Variants in ZNF841 observed in about 807,000 individuals in gnomAD.
ZNF841 encodes the protein TCONS_00006091.
Under a neutral mutation model 13.0 loss-of-function variants are expected in ZNF841, and 11 were observed. The observed-to-expected ratio is 0.85, with a 90% CI of 0.53 to 1.40. The LOEUF (loss-of-function observed/expected upper bound fraction) is 1.40. ZNF841 is among the 40% of genes most tolerant of loss of function. The pLI, the probability that ZNF841 is intolerant of heterozygous loss-of-function variation, is 0.00. For missense variants in ZNF841, 1,068 were observed against 1,139.5 expected (o/e 0.94, Z 0.90); for synonymous variants, 369 against 381.6 (o/e 0.97, Z 0.38).
chr19:52,074,642 G>C (rs945889369), intron 6 of ZNF841, among the ~76,000 whole-genome samples: 1 of 151,976 alleles, frequency 6.6e-6, no homozygotes, highest in Non-Finnish European at 1.5e-5. Flanking sequence ...TCAGCCCCCC[G>C]AGTAGCTGGG....
Position 52,084,144 on chromosome 19 carries a change from C to T in ZNF841, c.15+643G>A, listed in dbSNP as rs184136657. 1.8e-3 allele frequency among the ~76,000 whole-genome samples: 268 copies of T among 152,190 alleles called. 2 individuals carry two copies. The highest frequency in any genetic ancestry group is 5.1e-4 in the Non-Finnish European group (35 of 68,018). On this transcript the variant is annotated intron_variant, in intron 4 of 6. Coordinates refer to ENST00000594440, the MANE Select transcript of ZNF841 (RefSeq NM_001136499.2). ...GCCGGTAAGAGTCCCAGCAGGAACA[C>T]CACATTCTCTGTGGGATGGATATGC... is the stretch of plus-strand genomic sequence containing the variant.
chr19:52,073,612 T>A (rs1019916969), intron 6 of ZNF841, among the ~76,000 whole-genome samples: 9 of 152,166 alleles, frequency 5.9e-5, no homozygotes, highest in African/African-American at 2.2e-4. Context: ...CCTGGCCCAA[T>A]ACCAGTTTTT....
downstream of ZNF841, among the ~76,000 whole-genome samples, chr19:52,064,313 T>A (rs959279781): frequency 8.2e-6 from 1 of 122,230 alleles, no homozygotes; most frequent in African/African-American, 3.0e-5. Context: ...GCCACTGCAG[T>A]CCGCAGTCCC....
At chr19:52,070,025 C>T (rs2087695347) in intron 6 of ZNF841, among the ~76,000 whole-genome samples, 1 of 152,206 alleles carries the variant, frequency 6.6e-6, no homozygotes, top group Non-Finnish European at 1.5e-5. Flanking sequence ...TAAATTATCA[C>T]TATTTAACAA....
intron 4 of ZNF841, among the ~76,000 whole-genome samples, chr19:52,079,034 G>C (rs943555547): frequency 6.6e-6 from 1 of 151,846 alleles, no homozygotes; most frequent in Non-Finnish European, 1.5e-5. Context: ...TGTATAAATT[G>C]TATTTCATTT....
intron 2 of ZNF841, among the ~76,000 whole-genome samples, chr19:52,091,155 A>G (rs1039537297): frequency 5.3e-5 from 8 of 152,194 alleles, no homozygotes; most frequent in South Asian, 2.1e-4. Context: ...GTCCACAGGC[A>G]TTGGGGCTGC....
intron 4 of ZNF841, among the ~76,000 whole-genome samples, chr19:52,082,777 A>C (rs1395954671): frequency 6.6e-6 from 1 of 152,216 alleles, no homozygotes; most frequent in African/African-American, 2.4e-5. Context: ...GTGTTTATTA[A>C]CATAAAAACA....
At chr19:52,084,197 C>G (rs2088196358) in intron 4 of ZNF841, among the ~76,000 whole-genome samples, 1 of 152,026 alleles carries the variant, frequency 6.6e-6, no homozygotes, top group Non-Finnish European at 1.5e-5. Flanking sequence ...ATCTGACATT[C>G]AGGTTGATTT....
In ZNF841 at chr19:52,084,797, G is replaced by T; in HGVS notation, c.5C>A (p.Ala2Asp). 6.2e-7 allele frequency: 1 copy of T among 1,613,474 alleles called. No individual in the cohort carries two copies. The highest frequency in any genetic ancestry group is 8.5e-7 in the Non-Finnish European group (1 of 1,179,730). Residue 2 changes from alanine (A) to aspartate (D), a missense_variant, in exon 4 of 7, where the codon GCT (alanine) becomes GAT (aspartate). Transcript: ENST00000594440. Reference sequence around the variant, plus strand: ...AGATTATCACTTTACCTGAGGAAGAGCCATCCCTGGCTCCTTTTCTTTCTT... The same window carrying T: ...AGATTATCACTTTACCTGAGGAAGATCCATCCCTGGCTCCTTTTCTTTCTT... Reference protein sequence around the residue: MALPQGSLTFRD... With the variant: MDLPQGSLTFRD...
chr19:52,081,337 ATT>A (rs1192812994), intron 4 of ZNF841, among the ~76,000 whole-genome samples: 1 of 152,156 alleles, frequency 6.6e-6, no homozygotes. Flanking sequence ...TTTTCTGGCT[ATT>A]TGTAGTTCAT....
At chr19:52,059,925 A>C (rs905344575), downstream of ZNF841, among the ~76,000 whole-genome samples, 1 of 152,214 alleles carries the variant, frequency 6.6e-6, no homozygotes, top group African/African-American at 2.4e-5. Flanking sequence ...TAGGAGTGTG[A>C]CTTTTGTAAC....
intron 4 of ZNF841, among the ~76,000 whole-genome samples, chr19:52,077,605 G>C (rs528261267): frequency 6.6e-4 from 100 of 152,266 alleles, no homozygotes; most frequent in Middle Eastern, 3.4e-3. Flanking sequence ...CATCTTACTA[G>C]AAGACAACTG....
Position 52,064,695 on chromosome 19 carries a change from G to A in ZNF841, c.*412C>T, listed in dbSNP as rs369898732. The A allele has an allele frequency of 7.2e-4, 113 of 157,324 alleles. No individual in the cohort carries two copies. Among genetic ancestry groups the A allele is most frequent in the East Asian group, 2.5e-3 (13 of 5,232 alleles). 9.7% of individuals were successfully genotyped at this position (157,324 alleles called of 1,614,324 possible). A position where few individuals can be genotyped will look rare whatever the true frequency, so the allele number is the denominator to read the frequency against. ...GTCACCCAGGCTAGAGTGCAGTGGC[G>A]CGATCTCGGCTCACTGCAACCTCCG... On this transcript the variant is annotated 3_prime_UTR_variant, in exon 7 of 7. Transcript: ENST00000594440.
intron 1 of ZNF841, chr19:52,094,198 C>A (rs2088598145): frequency 6.6e-6 from 1 of 152,176 alleles, no homozygotes; most frequent in Non-Finnish European, 1.5e-5. Context: ...GATACAAATA[C>A]ATACAAAATG....
the ZNF841 span, among the ~76,000 whole-genome samples, chr19:52,059,370 A>AAAAT: frequency 4.3e-4 from 30 of 69,622 alleles, no homozygotes; most frequent in East Asian, 2.8e-3. Context: ...AAAAAAAAAA[A>AAAAT]ATATATATAT....
At chr19:52,063,240 T>C (rs963205746), downstream of ZNF841, among the ~76,000 whole-genome samples, 9 of 152,132 alleles carry the variant, frequency 5.9e-5, no homozygotes, top group African/African-American at 1.9e-4. Flanking sequence ...TATGAATAAT[T>C]TGGTAAAGCC....
intron 4 of ZNF841, among the ~76,000 whole-genome samples, chr19:52,078,571 C>CAT (rs1600093194): frequency 6.6e-6 from 1 of 151,616 alleles, no homozygotes; most frequent in East Asian, 1.9e-4. Flanking sequence ...TGGTGGCCGG[C>CAT]GCCTGTAATC....
At chr19:52,087,995 C>A (rs1410375895) in intron 3 of ZNF841, among the ~76,000 whole-genome samples, 3 of 143,380 alleles carry the variant, frequency 2.1e-5, no homozygotes, top group Non-Finnish European at 4.5e-5. Context: ...ATAATGCATC[C>A]AAAATGCATC....
downstream of ZNF841, among the ~76,000 whole-genome samples, chr19:52,061,824 G>A (rs1424876806): frequency 1.3e-5 from 2 of 152,116 alleles, no homozygotes; most frequent in Non-Finnish European, 2.9e-5. Flanking sequence ...GGGATTACAG[G>A]CGTGAGCCAC....
Sources: allele counts gnomAD v4.1 joint callset (sites outside exome capture counted in the v4.1 genomes callset), GRCh38; gene constraint gnomAD v4.1.1; transcripts MANE v1.5; gene names NCBI Gene and HGNC (gene_info 2026-07-23, HGNC 2026-07-21).